Variants in IL12RB1 observed in about 807,000 individuals in gnomAD.
IL12RB1 encodes the protein interleukin 12 receptor subunit beta 1.
Under a neutral mutation model 94.4 loss-of-function variants are expected in IL12RB1, and 64 were observed. The observed-to-expected ratio is 0.68, with a 90% confidence interval of 0.55 to 0.83. The LOEUF (loss-of-function observed/expected upper bound fraction) is 0.83. Ranked by LOEUF, IL12RB1 falls within the 40% of genes least tolerant of loss-of-function variation. The pLI is 0.00. For synonymous variants in IL12RB1, 362 were observed against 355.5 expected (o/e 1.02, Z -0.21); for missense variants, 814 against 855.6 (o/e 0.95, Z 0.61).
rs438901 is a variant in IL12RB1, at chr19:18,071,603, A to G, written c.1021+509T>C. ...GAAGTTCAAGTCCAGCCTGGGCAAC[A>G]TAGCAAAACTCTGTCTCTTAAAAAA... On this transcript the variant is annotated intron_variant, in intron 9 of 16. Coordinates refer to ENST00000593993, the MANE Select transcript of IL12RB1 (RefSeq NM_005535.3). Among the ~76,000 whole-genome samples the G allele has an allele frequency of 5.1e-3, 778 of 151,302 alleles. 7 individuals carry two copies. Among genetic ancestry groups the G allele is most frequent in the African/African-American group, 0.018 (737 of 41,280 alleles).
Position 18,059,378 on chromosome 19 carries a change from G to A in IL12RB1, c.*230C>T, listed in dbSNP as rs1599428526. 2 of 607,326 alleles carry A rather than the reference G, an allele frequency of 3.3e-6. No individual in the cohort carries two copies. The highest frequency in any genetic ancestry group is 5.5e-5 in the East Asian group (2 of 36,076). The allele number at this position is 607,326 out of a possible 1,614,324, so 37.6% of individuals were successfully genotyped here. A position where few individuals can be genotyped will look rare whatever the true frequency, so the allele number is the denominator to read the frequency against. On this transcript the variant is annotated 3_prime_UTR_variant, in exon 17 of 17. Transcript: ENST00000593993. ...CATTCTACGCCAGAACAGGTAAATG[G>A]CAGGGTCTGCTCCTGCCCCACGGAT...
intron 9 of IL12RB1, among the ~76,000 whole-genome samples, chr19:18,071,748 T>C (rs943339100): frequency 6.6e-6 from 1 of 152,186 alleles, no homozygotes; most frequent in Non-Finnish European, 1.5e-5. Flanking sequence ...TTTGGCTCAC[T>C]GCAACCTCTG....
At chr19:18,067,989 C>T (rs953993230) in intron 11 of IL12RB1, among the ~76,000 whole-genome samples, 1 of 149,768 alleles carries the variant, frequency 6.7e-6, no homozygotes, top group East Asian at 2.0e-4. Flanking sequence ...CAGGGGTGAG[C>T]CATTCTGTCT....
rs374870218 is a variant in IL12RB1, at chr19:18,063,871, C to T, written c.1618+5G>A. On this transcript the variant is annotated splice_donor_5th_base_variant and intron_variant, in intron 13 of 16. Coordinates refer to ENST00000593993, the MANE Select transcript of IL12RB1 (RefSeq NM_005535.3). ...AAATAACTGGGTCCTACCCCCTCCA[C>T]TCACCGATGCTGAAGCGCTGGGGCT... 1.9e-6 allele frequency: 3 copies of T among 1,612,852 alleles called. No individual in the cohort carries two copies. Among genetic ancestry groups the T allele is most frequent in the Non-Finnish European group, 2.5e-6 (3 of 1,179,386 alleles).
intron 9 of IL12RB1, among the ~76,000 whole-genome samples, 182 bp downstream of exon 9, chr19:18,071,930 G>A (rs1365829060): frequency 6.6e-6 from 1 of 152,158 alleles, no homozygotes; most frequent in Non-Finnish European, 1.5e-5. Flanking sequence ...CTCCCAAAGT[G>A]CTGGGATTAC....
At chr19:18,070,264 G>A (rs562140880) in intron 9 of IL12RB1, among the ~76,000 whole-genome samples, 13 of 152,320 alleles carry the variant, frequency 8.5e-5, no homozygotes, top group African/African-American at 2.9e-4. Flanking sequence ...CAGCCTAACT[G>A]CTGTCTCCTT....
intron 12 of IL12RB1, among the ~76,000 whole-genome samples, chr19:18,064,390 C>T (rs2034417216): frequency 6.6e-6 from 1 of 151,740 alleles, no homozygotes; most frequent in African/African-American, 2.4e-5. Flanking sequence ...CTGCCCACCT[C>T]GGCCTCCCAA....
At chr19:18,081,154 C>T (rs17884740) in intron 3 of IL12RB1, among the ~76,000 whole-genome samples, 153 bp from the exon 4 acceptor site, 2 of 151,760 alleles carry the variant, frequency 1.3e-5, no homozygotes, top group African/African-American at 4.8e-5. Context: ...GGAGTGCAGT[C>T]GCGCAATCTC....
chr19:18,064,919 C>T (rs1036969470), intron 12 of IL12RB1, among the ~76,000 whole-genome samples: 4 of 152,156 alleles, frequency 2.6e-5, no homozygotes, highest in African/African-American at 4.8e-5. Context: ...TGTGCCATGT[C>T]AGTTTACCAT....
chr19:18,087,713 G>T (rs569363200), upstream of IL12RB1, among the ~76,000 whole-genome samples: 1 of 151,242 alleles, frequency 6.6e-6, no homozygotes, highest in Non-Finnish European at 1.5e-5. Flanking sequence ...TAAGAGAGGG[G>T]GTTTTGCCAT....
intron 5 of IL12RB1, among the ~76,000 whole-genome samples, 191 bp from the exon 6 acceptor site, chr19:18,076,518 C>T (rs1410507740): frequency 6.6e-6 from 1 of 152,156 alleles, no homozygotes; most frequent in Non-Finnish European, 1.5e-5. Context: ...ATCCTCCCGC[C>T]TCAGTCTCCT....
At chr19:18,097,914 C>A in intron 1 of IL12RB1, 1 of 1,092,500 alleles carries the variant, frequency 9.2e-7, no homozygotes, top group Non-Finnish European at 1.2e-6. Flanking sequence ...GGGGCGGGGC[C>A]TTCACGGGCT....
chr19:18,076,078 G>A (rs2035455185), intron 6 of IL12RB1, among the ~76,000 whole-genome samples: 1 of 152,134 alleles, frequency 6.6e-6, no homozygotes, highest in African/African-American at 2.4e-5. Flanking sequence ...AGTCCTGGCT[G>A]CGGCCATCCC....
intron 14 of IL12RB1, 59 bp downstream of exon 14, chr19:18,062,122 G>T: frequency 8.5e-7 from 1 of 1,182,402 alleles, no homozygotes; most frequent in Non-Finnish European, 1.3e-6. Context: ...CTCCACTTTA[G>T]GGCTCCCCTG....
chr19:18,081,363 T>G (rs1278914461), intron 3 of IL12RB1, among the ~76,000 whole-genome samples: 2 of 150,944 alleles, frequency 1.3e-5, no homozygotes, highest in Non-Finnish European at 3.0e-5. Flanking sequence ...CCCAAAGTGC[T>G]GGGATTACAA....
Position 18,083,420 on chromosome 19 carries a change from A to G in IL12RB1, c.124+12T>C, listed in dbSNP as rs779773027. On this transcript the variant is annotated intron_variant, in intron 2 of 16. Transcript: ENST00000593993. ...CATAATCCTCAGCCAACAATGAGGA[A>G]CTGCCCCGAACCTGAGTCTGCATCC... The G allele has an allele frequency of 1.9e-6, 3 of 1,613,586 alleles. No individual in the cohort carries two copies. The South Asian group carries it at 3.3e-5, about 18-fold the overall frequency.
In IL12RB1 at chr19:18,080,973, C is replaced by T. The variant is rs144128347; in HGVS notation, c.268G>A (p.Ala90Thr). ...TGCAGCCTGGTGGCTGAGCCGGCGG[C>T]GAAGTAGCAGCAGCGCCCGGAGCTA... ...CLSSGRCCYF[A>T]AGSATRLQFS... Residue 90 changes from alanine to threonine, a missense_variant, in exon 4 of 17, where the codon GCC becomes ACC. Physicochemically the swap from Ala to Thr is moderately conservative, Grantham distance 58. Coordinates refer to ENST00000593993, the MANE Select transcript of IL12RB1 (RefSeq NM_005535.3). 38 of 1,613,178 alleles carry T rather than the reference C, an allele frequency of 2.4e-5. No homozygotes were observed. The highest frequency in any genetic ancestry group is 5.3e-5 in the African/African-American group (4 of 74,884).
intron 9 of IL12RB1, 58 bp from the exon 10 acceptor site, chr19:18,069,771 T>G: frequency 7.9e-7 from 1 of 1,263,048 alleles, no homozygotes; most frequent in East Asian, 2.3e-5. Flanking sequence ...CCCAGTCCCC[T>G]TCTCTGGCTC....
chr19:18,076,394 ATTAG>A (rs988275718), intron 5 of IL12RB1, 67 bp from the exon 6 acceptor site: 148 of 815,560 alleles, frequency 1.8e-4, no homozygotes, highest in Admixed American at 4.8e-4. Context: ...CTGTTTTACA[ATTAG>A]TTATTTATTT....
Sources: gnomAD v4.1 joint callset for allele counts (sites outside exome capture counted in the v4.1 genomes callset) on GRCh38, gnomAD v4.1.1 for gene constraint, MANE v1.5 for transcripts, NCBI Gene and HGNC (gene_info 2026-07-23, HGNC 2026-07-21) for gene names.